The following TXK variants were observed in gnomAD, a reference collection of about 807,000 sequenced individuals.
The protein encoded by TXK is TXK tyrosine kinase.
A neutral mutation model predicts 81.0 loss-of-function variants in TXK; 60 were observed. That is an observed-to-expected ratio of 0.74 (90% CI 0.60 to 0.92). TXK has a LOEUF of 0.92. Among genes scored for constraint, TXK ranks in the 40% least tolerant of loss-of-function variants. The probability of loss-of-function intolerance (pLI) is 0.00; values close to 1 mark genes in which losing one functional copy is unlikely to be tolerated. For synonymous variants in TXK, 203 were observed against 210.7 expected, an observed-to-expected ratio of 0.96 and a Z score of 0.32; for missense variants, 581 against 638.3, an observed-to-expected ratio of 0.91 and a Z score of 0.97.
chr4:48,120,133 ACATGTG>A (rs1287043362), intron 1 of TXK, among the ~76,000 whole-genome samples: 1 of 139,422 alleles, frequency 7.2e-6, no homozygotes, highest in Non-Finnish European at 1.5e-5. Flanking sequence ...ATATGTATAT[ACATGTG>A]TATATATGTA....
intron 8 of TXK, among the ~76,000 whole-genome samples, chr4:48,090,180 T>G (rs1329202606): frequency 6.6e-6 from 1 of 152,232 alleles, no homozygotes; most frequent in Non-Finnish European, 1.5e-5. Context: ...AATATTTTGT[T>G]AAAAGCTTTT....
intron 12 of TXK, among the ~76,000 whole-genome samples, chr4:48,075,437 T>C (rs974064776): frequency 3.3e-5 from 5 of 151,980 alleles, no homozygotes; most frequent in African/African-American, 1.2e-4. Flanking sequence ...GGATATTTGA[T>C]GTCAGGAGTT....
chr4:48,095,055 CCTAAG>C (rs1717930607), intron 7 of TXK, 83 bp downstream of exon 7: 1 of 1,127,732 alleles, frequency 8.9e-7, no homozygotes, highest in Non-Finnish European at 1.3e-6. Flanking sequence ...CAATCTTTTC[CCTAAG>C]CTAAGCTCTC....
At chr4:48,109,111 G>T (rs1369013617) in intron 5 of TXK, among the ~76,000 whole-genome samples, 1 of 151,702 alleles carries the variant, frequency 6.6e-6, no homozygotes, top group African/African-American at 2.4e-5. Context: ...GTTTTTGTTG[G>T]TCAGCTTCAG....
chr4:48,094,253 G>GA, intron 7 of TXK, 49 bp from the exon 8 acceptor site: 1 of 1,599,190 alleles, frequency 6.3e-7, no homozygotes, highest in South Asian at 1.1e-5. Flanking sequence ...GATCAATTTG[G>GA]ATCTAAGCCA....
At chr4:48,083,972 A>G (rs1337054261) in intron 10 of TXK, among the ~76,000 whole-genome samples, 2 of 152,244 alleles carry the variant, frequency 1.3e-5, no homozygotes, top group African/African-American at 4.8e-5. Flanking sequence ...ATATGTGCAA[A>G]GCTATATATA....
rs540125470 is a variant in TXK at position 48,093,221 on chromosome 4, T to C, written c.709+856A>G. Among the ~76,000 whole-genome samples, 19 of 152,282 alleles carry C rather than the reference T, an allele frequency of 1.2e-4. No homozygotes were observed. The South Asian group carries it at 1.7e-3, about 13-fold the overall frequency. On this transcript the variant is annotated intron_variant, in intron 8 of 14. Transcript: ENST00000264316. ...GATGCATCCCACAAGTGGATAAAAA[T>C]GTCCTTTGATATATTCCTGATACTT...
At chr4:48,116,567 G>A (rs559455509) in intron 1 of TXK, among the ~76,000 whole-genome samples, 1 of 152,312 alleles carries the variant, frequency 6.6e-6, no homozygotes, top group African/African-American at 2.4e-5. Flanking sequence ...AGGAGGGAAG[G>A]GAAGGTTACC....
In TXK at chr4:48,079,928, T is replaced by C. The variant is rs756235095; in HGVS notation, c.1157A>G (p.Tyr386Cys). Residue 386 changes from tyrosine (Y) to cysteine (C), a missense_variant, in exon 11 of 15, where the codon TAT becomes TGT. By Grantham distance (194) the Tyr-to-Cys change is radical (BLOSUM62 -2). Transcript: ENST00000264316. ...CATACTTACCAAATCCCTATGAATA[T>C]AGCCATTCCTCTCCAGATATTCCAT... ...EGMEYLERNG[Y>C]IHRDLAARNC... The C allele has an allele frequency of 2.2e-5, 35 of 1,613,340 alleles. No homozygotes were observed. The East Asian group carries it at 4.0e-4, about 18-fold the overall frequency.
chr4:48,107,915 A>AC (rs910565240), intron 5 of TXK, among the ~76,000 whole-genome samples: 2 of 52,354 alleles, frequency 3.8e-5, no homozygotes, highest in African/African-American at 9.3e-5. Context: ...AAAAAAAAAA[A>AC]AAAAAAAAAA....
Position 48,066,593 on chromosome 4 carries a change from T to A in TXK, c.*1044A>T, listed in dbSNP as rs1023740449. On this transcript the variant is annotated 3_prime_UTR_variant, in exon 15 of 15. Coordinates refer to ENST00000264316, the MANE Select transcript of TXK (RefSeq NM_003328.3). ...AAATAATGGGCTCCTGTTGTCAGACTTCATGGTGATTACATTAGTGCTTTC... is the reference window on the plus strand; with the variant it reads ...AAATAATGGGCTCCTGTTGTCAGACATCATGGTGATTACATTAGTGCTTTC... The A allele has an allele frequency of 3.3e-5, 5 of 152,222 alleles. No individual in the cohort carries two copies. The highest frequency in any genetic ancestry group is 1.2e-4 in the African/African-American group (5 of 41,444). 9.4% of individuals were successfully genotyped at this position (152,222 alleles called of 1,614,324 possible).
intron 8 of TXK, among the ~76,000 whole-genome samples, chr4:48,090,085 TATC>T (rs1227853724): frequency 6.6e-6 from 1 of 152,234 alleles, no homozygotes; most frequent in Non-Finnish European, 1.5e-5. Context: ...GATAGATTGT[TATC>T]ATCTTGGTGA....
chr4:48,130,890 T>C (rs1005348148), intron 1 of TXK, among the ~76,000 whole-genome samples: 1 of 152,114 alleles, frequency 6.6e-6, no homozygotes, highest in Non-Finnish European at 1.5e-5. Flanking sequence ...CCCAGAAACC[T>C]GCCTTTTAAC....
At chr4:48,119,450 G>A (rs1420290858) in intron 1 of TXK, among the ~76,000 whole-genome samples, 1 of 152,172 alleles carries the variant, frequency 6.6e-6, no homozygotes, top group East Asian at 1.9e-4. Context: ...CTCTACCATG[G>A]ACATACAGTT....
At chr4:48,093,803 G>A (rs559982782) in intron 8 of TXK, among the ~76,000 whole-genome samples, 1 of 152,242 alleles carries the variant, frequency 6.6e-6, no homozygotes, top group African/African-American at 2.4e-5. Flanking sequence ...CAGAACAAAT[G>A]CATAATGATT....
At chr4:48,118,416 T>G (rs1015132168) in intron 1 of TXK, among the ~76,000 whole-genome samples, 1 of 152,226 alleles carries the variant, frequency 6.6e-6, no homozygotes, top group African/African-American at 2.4e-5. Context: ...TGCATGCTTA[T>G]GAAGCTTTCT....
intron 4 of TXK, 36 bp downstream of exon 4, chr4:48,112,271 G>T (rs1718655548): frequency 6.3e-7 from 1 of 1,591,260 alleles, no homozygotes; most frequent in Non-Finnish European, 8.6e-7. Context: ...TGTGTTGGAA[G>T]AATTGGATAC....
intron 1 of TXK, among the ~76,000 whole-genome samples, chr4:48,130,347 T>C (rs563534192): frequency 1.3e-5 from 2 of 152,290 alleles, no homozygotes; most frequent in Admixed American, 1.3e-4. Flanking sequence ...TCCAGATCTT[T>C]CATGGAGTTG....
chr4:48,083,228 C>G (rs1359098114), intron 10 of TXK, among the ~76,000 whole-genome samples: 1 of 152,196 alleles, frequency 6.6e-6, no homozygotes, highest in Non-Finnish European at 1.5e-5. Context: ...CACCCTGATT[C>G]CTGCACCTGC....
Sources: allele counts gnomAD v4.1 joint callset (sites outside exome capture counted in the v4.1 genomes callset), GRCh38; gene constraint gnomAD v4.1.1; transcripts MANE v1.5; gene names NCBI Gene and HGNC (gene_info 2026-07-23, HGNC 2026-07-21).